The following MYOZ2 variants were observed in gnomAD, a reference collection of about 807,000 sequenced individuals.
The protein encoded by MYOZ2 is myozenin 2, also known as myozenin-2.
MYOZ2 carries 19 observed loss-of-function variants against 25.4 expected under a neutral mutation model. That is an observed-to-expected ratio of 0.75 (90% confidence interval 0.52 to 1.10). MYOZ2 has a LOEUF of 1.10. MYOZ2 is among the 50% of genes least tolerant of loss of function. The pLI, the probability that MYOZ2 is intolerant of heterozygous loss-of-function variation, is 0.00. For missense variants in MYOZ2, 270 were observed against 317.9 expected (o/e 0.85, Z 1.15); for synonymous variants, 92 against 106.9 (o/e 0.86, Z 0.86).
chr4:119,145,570 C>T (rs1388488319), intron 2 of MYOZ2, among the ~76,000 whole-genome samples: 1 of 148,982 alleles, frequency 6.7e-6, no homozygotes, highest in Non-Finnish European at 1.5e-5. Context: ...GACTTGGTTT[C>T]ACCATGTTGC....
In MYOZ2 at chr4:119,179,403, A is replaced by G. The variant is rs572027882; in HGVS notation, c.561-6563A>G. 4.6e-5 allele frequency among the ~76,000 whole-genome samples: 7 copies of G among 152,326 alleles called. 1 individual carries two copies. The East Asian group carries it at 9.6e-4, about 21-fold the overall frequency. ...GAGCACTTCCTGAAAATTTATTTAA[A>G]TAGTACTCTTTCTCCTGGACTAAAA... On this transcript the variant is annotated intron_variant, in intron 5 of 5. Coordinates refer to ENST00000307128, the MANE Select transcript of MYOZ2 (RefSeq NM_016599.5).
intron 5 of MYOZ2, among the ~76,000 whole-genome samples, chr4:119,169,980 T>C (rs548982769): frequency 6.6e-6 from 1 of 152,168 alleles, no homozygotes; most frequent in Non-Finnish European, 1.5e-5. Flanking sequence ...AAAAAAATAT[T>C]TTTTGTTGTT....
chr4:119,155,067 G>T (rs1468915389), intron 3 of MYOZ2, among the ~76,000 whole-genome samples: 1 of 152,138 alleles, frequency 6.6e-6, no homozygotes, highest in African/African-American at 2.4e-5. Context: ...AGGGAAAGGG[G>T]AGTTGGCATC....
chr4:119,168,344 A>G (rs542476045), intron 5 of MYOZ2, among the ~76,000 whole-genome samples: 1 of 152,350 alleles, frequency 6.6e-6, no homozygotes, highest in South Asian at 2.1e-4. Flanking sequence ...TTGACTATCA[A>G]GCCTTATTAT....
chr4:119,164,096 A>T, intron 4 of MYOZ2, 115 bp from the exon 5 acceptor site: 1 of 962,356 alleles, frequency 1.0e-6, no homozygotes, highest in Admixed American at 1.9e-5. Flanking sequence ...CATGAAAAGG[A>T]TGCATGCTTC....
rs1742302561 is a variant in MYOZ2, at chr4:119,186,828, A to C, written c.*628A>C. ...AATTCAGTTATTATATTCATTTAGC[A>C]TTAAGTCAAGGAGACTGAGAATGAC... On this transcript the variant is annotated 3_prime_UTR_variant, in exon 6 of 6. Coordinates refer to ENST00000307128, the MANE Select transcript of MYOZ2 (RefSeq NM_016599.5). 1 of 152,574 alleles carries C rather than the reference A, an allele frequency of 6.6e-6. No individual in the cohort carries two copies. The highest frequency in any genetic ancestry group is 1.5e-5 in the Non-Finnish European group (1 of 68,348). 9.5% of individuals were successfully genotyped at this position (152,574 alleles called of 1,614,324 possible). A position where few individuals can be genotyped will look rare whatever the true frequency, so the allele number is the denominator to read the frequency against.
At chr4:119,136,788 T>C (rs1276061513) in intron 2 of MYOZ2, among the ~76,000 whole-genome samples, 187 bp downstream of exon 2, 1 of 152,138 alleles carries the variant, frequency 6.6e-6, no homozygotes, top group East Asian at 1.9e-4. Flanking sequence ...CCTTTCTCAT[T>C]TGGAAGCTAT....
At chr4:119,154,951 A>G (rs1341546848) in intron 3 of MYOZ2, among the ~76,000 whole-genome samples, 3 of 151,992 alleles carry the variant, frequency 2.0e-5, no homozygotes, top group Non-Finnish European at 4.4e-5. Flanking sequence ...GGTACTTTAT[A>G]AAGAAAAGAG....
At chr4:119,150,269 G>A (rs1741416551) in intron 2 of MYOZ2, among the ~76,000 whole-genome samples, 1 of 152,084 alleles carries the variant, frequency 6.6e-6, no homozygotes, top group African/African-American at 2.4e-5. Context: ...GAAATATAGA[G>A]AATGAATGAG....
At chr4:119,151,252 T>C (rs148335094) in intron 3 of MYOZ2, among the ~76,000 whole-genome samples, 1 of 152,264 alleles carries the variant, frequency 6.6e-6, no homozygotes, top group African/African-American at 2.4e-5. Context: ...AATAGGGACA[T>C]TGTAAGCTTG....
chr4:119,164,110 A>G (rs1741766291), intron 4 of MYOZ2, 101 bp from the exon 5 acceptor site: 1 of 1,176,498 alleles, frequency 8.5e-7, no homozygotes, highest in African/African-American at 1.5e-5. Flanking sequence ...ATGCTTCATA[A>G]ATTTATCCCA....
chr4:119,185,687 T>C (rs1742277191), intron 5 of MYOZ2, among the ~76,000 whole-genome samples: 1 of 152,160 alleles, frequency 6.6e-6, no homozygotes, highest in Non-Finnish European at 1.5e-5. Flanking sequence ...ATGAGCTCAG[T>C]GTACAGGGAA....
In MYOZ2 at chr4:119,150,975, G is replaced by A. The variant is rs2149221476; in HGVS notation, c.180G>A (p.Met60Ile). Residue 60 changes from methionine to isoleucine, a missense_variant, in exon 3 of 6, where the codon ATG becomes ATA. By Grantham distance (10) the Met-to-Ile change is conservative. Transcript: ENST00000307128. ...ACCGTGGTGCCAGGCTATTTAAGAT[G>A]CGTCAAAGAAGATCTGACAAATACA... ...LSNRGARLFK[M>I]RQRRSDKYTF... 6.2e-7 allele frequency: 1 copy of A among 1,613,512 alleles called. No homozygotes were observed. Among genetic ancestry groups the A allele is most frequent in the Admixed American group, 1.7e-5 (1 of 60,004 alleles).
intron 2 of MYOZ2, among the ~76,000 whole-genome samples, chr4:119,146,486 G>A (rs1741297264): frequency 6.6e-6 from 1 of 151,850 alleles, no homozygotes; most frequent in African/African-American, 2.4e-5. Context: ...TTTGTCCCAT[G>A]AACTATTTAG....
chr4:119,168,949 A>C (rs1741890936), intron 5 of MYOZ2, among the ~76,000 whole-genome samples: 1 of 152,238 alleles, frequency 6.6e-6, no homozygotes, highest in South Asian at 2.1e-4. Context: ...CATATGCTAC[A>C]AAGAAATTTT....
chr4:119,184,635 G>A (rs1310827393), intron 5 of MYOZ2, among the ~76,000 whole-genome samples: 1 of 152,210 alleles, frequency 6.6e-6, no homozygotes, highest in Non-Finnish European at 1.5e-5. Context: ...TCACTAGAAT[G>A]TAAGAACTAA....
chr4:119,183,643 T>G (rs1310065416), intron 5 of MYOZ2, among the ~76,000 whole-genome samples: 1 of 152,192 alleles, frequency 6.6e-6, no homozygotes, highest in Non-Finnish European at 1.5e-5. Context: ...TCATTGATTT[T>G]TCTATTTTCT....
intron 5 of MYOZ2, among the ~76,000 whole-genome samples, chr4:119,169,054 C>A (rs934018498): frequency 1.4e-4 from 22 of 152,302 alleles, no homozygotes; most frequent in African/African-American, 5.1e-4. Context: ...AATCACTACC[C>A]TGATCAGTCG....
chr4:119,182,134 A>T (rs1742195087), intron 5 of MYOZ2, among the ~76,000 whole-genome samples: 1 of 152,244 alleles, frequency 6.6e-6, no homozygotes, highest in African/African-American at 2.4e-5. Context: ...GTTAAAAGCA[A>T]CAGAAAACAT....
Sources: allele counts gnomAD v4.1 joint callset (sites outside exome capture counted in the v4.1 genomes callset), GRCh38; gene constraint gnomAD v4.1.1; transcripts MANE v1.5; gene names NCBI Gene and HGNC (gene_info 2026-07-23, HGNC 2026-07-21).